The following MTCH2 variants were observed in gnomAD, a reference collection of about 807,000 sequenced individuals.
MTCH2 encodes mitochondrial carrier 2.
In MTCH2, 25 loss-of-function variants were observed where a neutral mutation model predicts 50.6. That is an observed-to-expected ratio of 0.49 (90% CI 0.36 to 0.69). MTCH2 has a LOEUF of 0.69. Among genes scored for constraint, MTCH2 ranks in the 30% least tolerant of loss-of-function variants. The pLI is 0.00. For synonymous variants in MTCH2, 106 were observed against 132.0 expected (o/e 0.80, Z 1.35); for missense variants, 273 against 384.4 (o/e 0.71, Z 2.42).
downstream of MTCH2, among the ~76,000 whole-genome samples, chr11:47,615,749 C>T (rs1204470158): frequency 1.3e-5 from 2 of 150,152 alleles, no homozygotes; most frequent in Admixed American, 6.7e-5. Context: ...TCTCCTGCCT[C>T]AGCCTCCTGA....
chr11:47,637,582 C>T (rs1048666521), intron 3 of MTCH2, among the ~76,000 whole-genome samples: 2 of 151,522 alleles, frequency 1.3e-5, no homozygotes, highest in African/African-American at 2.4e-5. Context: ...TTTTTTGTGG[C>T]GTATTTTGGA....
Position 47,633,874 on chromosome 11 carries a change from T to C in MTCH2, c.369+798A>G, listed in dbSNP as rs548730648. ...ATTTTGGATGGCTGCATTTCCTGGATAATTGTGACTTCATTAATGACAATT... is the reference window on the plus strand; with the variant it reads ...ATTTTGGATGGCTGCATTTCCTGGACAATTGTGACTTCATTAATGACAATT... On this transcript the variant is annotated intron_variant, in intron 5 of 12. Transcript: ENST00000302503. Among the ~76,000 whole-genome samples, 9 of 152,100 alleles carry C rather than the reference T, an allele frequency of 5.9e-5. No individual in the cohort carries two copies. In the East Asian group the frequency reaches 1.7e-3, roughly 29 times the overall value.
chr11:47,638,121 C>A (rs2097310342), intron 3 of MTCH2, among the ~76,000 whole-genome samples: 1 of 151,934 alleles, frequency 6.6e-6, no homozygotes, highest in African/African-American at 2.4e-5. Context: ...ACCTGGTTAC[C>A]TCAAGTTTGT....
chr11:47,630,684 T>A, intron 7 of MTCH2, 70 bp from the exon 8 acceptor site: 1 of 1,413,540 alleles, frequency 7.1e-7, no homozygotes, highest in Non-Finnish European at 1.0e-6. Flanking sequence ...ATAATTTCAA[T>A]TATCACATTG....
chr11:47,608,269 A>C, the MTCH2 span, among the ~76,000 whole-genome samples: 1 of 152,322 alleles, frequency 6.6e-6, no homozygotes, highest in Admixed American at 6.5e-5. Context: ...GACTCTGACT[A>C]TGCTGAATCT....
the MTCH2 span, among the ~76,000 whole-genome samples, chr11:47,610,890 T>G: frequency 6.6e-6 from 1 of 152,194 alleles, no homozygotes; most frequent in South Asian, 2.1e-4. Flanking sequence ...CGCTTCTTCA[T>G]GAAGTCTCTG....
intron 9 of MTCH2, 32 bp downstream of exon 9, chr11:47,628,921 G>A (rs772058951): frequency 6.3e-7 from 1 of 1,581,176 alleles, no homozygotes; most frequent in African/African-American, 1.3e-5. Flanking sequence ...TTAAAGCCAA[G>A]GTGAGCACAT....
At chr11:47,634,348 G>A (rs770371319) in intron 5 of MTCH2, among the ~76,000 whole-genome samples, 4 of 152,080 alleles carry the variant, frequency 2.6e-5, no homozygotes, top group Non-Finnish European at 5.9e-5. Context: ...CCAAAGTGCT[G>A]GGATTACAGG....
chr11:47,629,764 A>C (rs79230915), intron 8 of MTCH2, among the ~76,000 whole-genome samples: 1 of 151,738 alleles, frequency 6.6e-6, no homozygotes, highest in Admixed American at 6.6e-5. Context: ...AAAAAAAAAA[A>C]CAAAAAACAC....
At chr11:47,630,182 C>A (rs1423850176) in intron 8 of MTCH2, among the ~76,000 whole-genome samples, 2 of 152,056 alleles carry the variant, frequency 1.3e-5, no homozygotes, top group Non-Finnish European at 2.9e-5. Flanking sequence ...GCACACACCA[C>A]CACACCTAGA....
chr11:47,639,926 C>T (rs2097312449), intron 1 of MTCH2, among the ~76,000 whole-genome samples: 1 of 152,150 alleles, frequency 6.6e-6, no homozygotes, highest in African/African-American at 2.4e-5. Flanking sequence ...TAATGATTAC[C>T]ATGGTCTTTG....
intron 4 of MTCH2, 80 bp downstream of exon 4, chr11:47,635,465 T>C (rs572564014): frequency 7.9e-6 from 12 of 1,510,428 alleles, no homozygotes; most frequent in African/African-American, 6.9e-5. Context: ...ACTACTTGGC[T>C]TTTCTCCAAA....
downstream of MTCH2, among the ~76,000 whole-genome samples, chr11:47,615,736 G>A (rs566346675): frequency 2.6e-5 from 4 of 151,420 alleles, no homozygotes; most frequent in South Asian, 6.3e-4. Flanking sequence ...GATTTCAAGC[G>A]ATTCTCCTGC....
Position 47,618,730 on chromosome 11 carries a change from T to C in MTCH2, c.*103A>G. ...ACACCTGAATTTTCCCAAGATTAAA[T>C]GATTATTAAAAAAGCGCGCCACACT... On this transcript the variant is annotated 3_prime_UTR_variant, in exon 13 of 13. Transcript: ENST00000302503. The C allele has an allele frequency of 4.3e-6, 5 of 1,176,056 alleles. No individual in the cohort carries two copies. Among genetic ancestry groups the C allele is most frequent in the Non-Finnish European group, 6.2e-6 (5 of 801,890 alleles). The allele number at this position is 1,176,056 out of a possible 1,614,324, so 72.9% of individuals were successfully genotyped here.
chr11:47,615,688 A>G (rs986731012), downstream of MTCH2, among the ~76,000 whole-genome samples: 2 of 149,788 alleles, frequency 1.3e-5, no homozygotes, highest in African/African-American at 4.9e-5. Flanking sequence ...GCGGGAGTGC[A>G]GTGGGGCAAT....
downstream of MTCH2, among the ~76,000 whole-genome samples, chr11:47,617,076 G>A (rs146520040): frequency 6.5e-4 from 99 of 152,316 alleles, 1 homozygote; most frequent in African/African-American, 2.3e-3. Context: ...ATATTATGGA[G>A]GATCATAGGT....
chr11:47,638,463 G>A (rs1184155875), intron 3 of MTCH2, among the ~76,000 whole-genome samples: 2 of 54,994 alleles, frequency 3.6e-5, no homozygotes, highest in South Asian at 1.2e-3. Context: ...GGAGAATGAC[G>A]TGAACCCGGC....
intron 8 of MTCH2, chr11:47,629,475 A>G (rs1414248077): frequency 9.8e-6 from 2 of 204,094 alleles, no homozygotes; most frequent in East Asian, 2.4e-4. Flanking sequence ...GGTCCCAAGT[A>G]CAGATACAGA....
downstream of MTCH2, among the ~76,000 whole-genome samples, chr11:47,615,183 G>A (rs1304531950): frequency 6.6e-6 from 1 of 151,982 alleles, no homozygotes; most frequent in Non-Finnish European, 1.5e-5. Context: ...CACTACAGGT[G>A]CACACCACCA....
Sources: allele counts gnomAD v4.1 joint callset (sites outside exome capture counted in the v4.1 genomes callset), GRCh38; gene constraint gnomAD v4.1.1; transcripts MANE v1.5; gene names NCBI Gene and HGNC (gene_info 2026-07-23, HGNC 2026-07-21).